Variants in RAB7A observed in about 807,000 individuals in gnomAD.
RAB7A encodes the protein ras-related protein Rab-7a.
In RAB7A, 2 loss-of-function variants were observed where a neutral mutation model predicts 24.5. The ratio of observed to expected loss-of-function variants is 0.08; its 90% confidence interval spans 0.03 to 0.26. The LOEUF (loss-of-function observed/expected upper bound fraction) is 0.26, where lower values mean the gene tolerates loss of function less well. Ranked by LOEUF, RAB7A falls within the 10% of genes least tolerant of loss-of-function variation. RAB7A has a pLI of 1.00. For missense variants in RAB7A, 118 were observed against 255.7 expected, an observed-to-expected ratio of 0.46 and a Z score of 3.67; for synonymous variants, 100 against 95.9, an observed-to-expected ratio of 1.04 and a Z score of -0.25.
At chr3:128,792,524 C>T (rs1018250882) in intron 1 of RAB7A, among the ~76,000 whole-genome samples, 17 of 148,982 alleles carry the variant, frequency 1.1e-4, no homozygotes, top group African/African-American at 7.4e-5. Flanking sequence ...CTCCTGCCTC[C>T]GCCTCCCGAG....
chr3:128,789,597 T>A (rs1933411894), intron 1 of RAB7A, among the ~76,000 whole-genome samples: 1 of 151,916 alleles, frequency 6.6e-6, no homozygotes, highest in Admixed American at 6.6e-5. Flanking sequence ...CCTCTCAGAG[T>A]GCTGGGATTA....
intron 1 of RAB7A, among the ~76,000 whole-genome samples, chr3:128,732,694 G>A (rs573599033): frequency 3.9e-5 from 6 of 152,284 alleles, no homozygotes; most frequent in Non-Finnish European, 8.8e-5. Flanking sequence ...GGTGGGTGTG[G>A]TGGTACACTT....
chr3:128,744,078 C>T (rs750343578), intron 1 of RAB7A, among the ~76,000 whole-genome samples: 15 of 151,272 alleles, frequency 9.9e-5, no homozygotes, highest in Non-Finnish European at 1.6e-4. Flanking sequence ...TGTGAGCCAC[C>T]GCACCTGGCC....
chr3:128,804,807 T>G (rs578066007), intron 3 of RAB7A, among the ~76,000 whole-genome samples: 1 of 152,330 alleles, frequency 6.6e-6, no homozygotes, highest in Admixed American at 6.5e-5. Flanking sequence ...ATGCTAATGT[T>G]CATTGCTGAG....
intron 1 of RAB7A, among the ~76,000 whole-genome samples, chr3:128,758,706 G>C (rs373127618): frequency 1.1e-4 from 17 of 152,114 alleles, no homozygotes; most frequent in Non-Finnish European, 1.5e-4. Flanking sequence ...CTGAGCATTA[G>C]TTTTCTCATA....
At chr3:128,779,084 C>T (rs141344793) in intron 1 of RAB7A, among the ~76,000 whole-genome samples, 2,408 of 152,238 alleles carry the variant, frequency 0.016, 29 homozygotes, top group Middle Eastern at 0.068. Context: ...CCAAGTATAT[C>T]GACTAATATA....
At chr3:128,738,493 C>T (rs1302404027) in intron 1 of RAB7A, among the ~76,000 whole-genome samples, 7 of 152,098 alleles carry the variant, frequency 4.6e-5, no homozygotes, top group African/African-American at 1.7e-4. Flanking sequence ...TATCTTGATT[C>T]CTGTCAATTC....
intron 1 of RAB7A, among the ~76,000 whole-genome samples, chr3:128,731,137 GTAAA>G (rs1470379393): frequency 1.3e-5 from 2 of 152,188 alleles, no homozygotes; most frequent in African/African-American, 4.8e-5. Flanking sequence ...ACTTAGTGAA[GTAAA>G]TAGTTACATC....
chr3:128,768,609 A>T lies in RAB7A; in HGVS notation c.-8-26751A>T, dbSNP rs563329870. On this transcript the variant is annotated intron_variant, in intron 1 of 5. Coordinates refer to ENST00000265062, the MANE Select transcript of RAB7A (RefSeq NM_004637.6). ...GGTCTCATTCTGTTGCGCAGGCTGG[A>T]GTGTAATAGTTTGATCACAGCTCAC... Among the ~76,000 whole-genome samples, 3 of 151,968 alleles carry T rather than the reference A, an allele frequency of 2.0e-5. No homozygotes were observed. In the South Asian group the frequency reaches 6.2e-4, roughly 32 times the overall value.
At chr3:128,726,423 C>T (rs2070379049) in intron 1 of RAB7A, 64 bp downstream of exon 1, 1 of 152,330 alleles carries the variant, frequency 6.6e-6, no homozygotes, top group Non-Finnish European at 1.5e-5. Flanking sequence ...CCCTCGGTCG[C>T]CAGGGCCTCG....
intron 1 of RAB7A, among the ~76,000 whole-genome samples, chr3:128,787,464 T>C (rs1221365857): frequency 1.3e-5 from 2 of 152,080 alleles, no homozygotes; most frequent in Non-Finnish European, 2.9e-5. Flanking sequence ...GAATCCTCCT[T>C]TGGGTGAGAG....
chr3:128,772,574 G>T (rs549134771), intron 1 of RAB7A, among the ~76,000 whole-genome samples: 1 of 152,180 alleles, frequency 6.6e-6, no homozygotes, highest in Non-Finnish European at 1.5e-5. Flanking sequence ...TAAGCCTGAT[G>T]CACTTAGAAG....
intron 1 of RAB7A, among the ~76,000 whole-genome samples, chr3:128,766,862 G>A (rs1425662922): frequency 4.6e-5 from 7 of 152,134 alleles, no homozygotes; most frequent in Non-Finnish European, 2.9e-5. Flanking sequence ...TTAACTCTTT[G>A]AGGAACTGCC....
intron 5 of RAB7A, among the ~76,000 whole-genome samples, chr3:128,810,647 T>TTC (rs146635591): frequency 0.054 from 8,148 of 152,298 alleles, 230 homozygotes; most frequent in Non-Finnish European, 0.058. Flanking sequence ...AGGACACGAA[T>TTC]TCTCAGATCA....
intron 2 of RAB7A, among the ~76,000 whole-genome samples, chr3:128,796,714 AGTGAATG>A (rs1421349514): frequency 6.6e-6 from 1 of 152,074 alleles, no homozygotes; most frequent in Non-Finnish European, 1.5e-5. Context: ...CCCAGACTAA[AGTGAATG>A]GTGCAATCAC....
chr3:128,773,537 C>G (rs1933008219), intron 1 of RAB7A, among the ~76,000 whole-genome samples: 1 of 151,680 alleles, frequency 6.6e-6, no homozygotes, highest in African/African-American at 2.4e-5. Context: ...CCCGGCCGCC[C>G]CTTCTGGGAA....
At chr3:128,804,704 T>C (rs1933765344) in intron 3 of RAB7A, among the ~76,000 whole-genome samples, 1 of 152,222 alleles carries the variant, frequency 6.6e-6, no homozygotes, top group South Asian at 2.1e-4. Context: ...AGATGATGAA[T>C]TGGTTCCACC....
intron 1 of RAB7A, among the ~76,000 whole-genome samples, chr3:128,794,398 A>G (rs1933524194): frequency 6.6e-6 from 1 of 152,218 alleles, no homozygotes; most frequent in African/African-American, 2.4e-5. Flanking sequence ...GCTCAAGGTC[A>G]TATAGCTAAA....
chr3:128,786,502 T>G (rs576364547), intron 1 of RAB7A, among the ~76,000 whole-genome samples: 12 of 152,326 alleles, frequency 7.9e-5, no homozygotes, highest in African/African-American at 2.4e-4. Flanking sequence ...CTGCTGGGTC[T>G]TCTCTAATGG....
Sources: allele counts gnomAD v4.1 joint callset (sites outside exome capture counted in the v4.1 genomes callset), GRCh38; gene constraint gnomAD v4.1.1; transcripts MANE v1.5; gene names NCBI Gene and HGNC (gene_info 2026-07-23, HGNC 2026-07-21).